PDE4D: variants seen among roughly 807,000 people sequenced by gnomAD.
PDE4D encodes phosphodiesterase 4D.
Under a neutral mutation model 87.4 loss-of-function variants are expected in PDE4D, and 24 were observed. The observed-to-expected ratio is 0.27, with a 90% CI of 0.20 to 0.39. PDE4D has a LOEUF of 0.39. PDE4D is among the 10% of genes least tolerant of loss of function. The pLI is 1.00. For synonymous variants in PDE4D, 384 were observed against 383.2 expected (o/e 1.00, Z -0.02); for missense variants, 714 against 1,041.0 (o/e 0.69, Z 4.32).
chr5:59,918,916 T>A (rs963134377), intron 3 of PDE4D, among the ~76,000 whole-genome samples: 1 of 152,162 alleles, frequency 6.6e-6, no homozygotes, highest in Non-Finnish European at 1.5e-5. Flanking sequence ...AACTGTGAGA[T>A]AGTAAGTGTG....
At chr5:59,400,679 C>T (rs976448031) in intron 1 of PDE4D, among the ~76,000 whole-genome samples, 14 of 151,100 alleles carry the variant, frequency 9.3e-5, no homozygotes, top group Non-Finnish European at 1.5e-4. Flanking sequence ...CACATGTATA[C>T]GTATGTAACT....
chr5:59,984,387 G>T (rs557444001), intron 3 of PDE4D, among the ~76,000 whole-genome samples: 1 of 152,190 alleles, frequency 6.6e-6, no homozygotes, highest in Admixed American at 6.5e-5. Context: ...GCCTGAATTC[G>T]CCTACCCTGT....
chr5:59,272,930 G>A (rs1764095612), intron 1 of PDE4D, among the ~76,000 whole-genome samples: 1 of 152,082 alleles, frequency 6.6e-6, no homozygotes, highest in Admixed American at 6.6e-5. Context: ...TTGGATTCTT[G>A]CACAATACAA....
chr5:59,172,099 A>T (rs1783008435), intron 5 of PDE4D, among the ~76,000 whole-genome samples: 1 of 60,302 alleles, frequency 1.7e-5, no homozygotes, highest in Non-Finnish European at 2.7e-5. Context: ...TAATAAATAT[A>T]TATTATATAT....
At chr5:59,334,281 T>G (rs1777273933) in intron 1 of PDE4D, among the ~76,000 whole-genome samples, 1 of 123,938 alleles carries the variant, frequency 8.1e-6, no homozygotes, top group Non-Finnish European at 1.7e-5. Flanking sequence ...TTTTTGGAGA[T>G]GGAGCCTAGC....
At chr5:60,048,020 C>A (rs1769530461) in intron 2 of PDE4D, among the ~76,000 whole-genome samples, 1 of 152,004 alleles carries the variant, frequency 6.6e-6, no homozygotes, top group Admixed American at 6.6e-5. Context: ...GTAGGTCTCT[C>A]AGGACTTGCT....
chr5:60,064,910 C>T (rs1462032164), intron 2 of PDE4D, among the ~76,000 whole-genome samples: 1 of 152,148 alleles, frequency 6.6e-6, no homozygotes, highest in Non-Finnish European at 1.5e-5. Context: ...CTGTTCTATA[C>T]ACCTTATCCA....
chr5:60,317,186 A>G (rs2149828925), intron 1 of PDE4D, among the ~76,000 whole-genome samples: 1 of 152,256 alleles, frequency 6.6e-6, no homozygotes, highest in African/African-American at 2.4e-5. Context: ...GTCTATTCAG[A>G]GATTCAACTT....
chr5:59,043,978 C>T (rs972060389), intron 5 of PDE4D, among the ~76,000 whole-genome samples: 1 of 152,076 alleles, frequency 6.6e-6, no homozygotes, highest in African/African-American at 2.4e-5. Context: ...GGGTTGGTTC[C>T]AAGTCTTTGC....
At chr5:59,384,673 CT>C (rs1436953938) in intron 1 of PDE4D, among the ~76,000 whole-genome samples, 2 of 151,954 alleles carry the variant, frequency 1.3e-5, no homozygotes, top group African/African-American at 4.8e-5. Context: ...GTCTGCAAAA[CT>C]ATACTATATA....
chr5:60,070,129 G>A (rs1184245157), intron 2 of PDE4D, among the ~76,000 whole-genome samples: 2 of 152,010 alleles, frequency 1.3e-5, no homozygotes, highest in African/African-American at 4.8e-5. Flanking sequence ...CCTGCAAACA[G>A]GGAAAATTTT....
At chr5:59,360,947 G>A (rs1220881283) in intron 1 of PDE4D, among the ~76,000 whole-genome samples, 2 of 152,040 alleles carry the variant, frequency 1.3e-5, no homozygotes, top group Admixed American at 1.3e-4. Flanking sequence ...TCAGGATATA[G>A]ACTAAAACAA....
intron 1 of PDE4D, among the ~76,000 whole-genome samples, chr5:60,378,669 T>C (rs899477742): frequency 6.6e-6 from 1 of 151,926 alleles, no homozygotes; most frequent in Non-Finnish European, 1.5e-5. Flanking sequence ...CTGACCAACA[T>C]GGTGAAACCC....
intron 1 of PDE4D, among the ~76,000 whole-genome samples, chr5:59,801,585 CTGTTT>C (rs1767132643): frequency 6.6e-6 from 1 of 152,166 alleles, no homozygotes; most frequent in African/African-American, 2.4e-5. Context: ...TGAAATCAAT[CTGTTT>C]TATTTTCCAA....
intron 1 of PDE4D, among the ~76,000 whole-genome samples, chr5:59,381,139 A>C (rs775053907): frequency 6.6e-6 from 1 of 152,162 alleles, no homozygotes; most frequent in Non-Finnish European, 1.5e-5. Flanking sequence ...CAACCCCCGG[A>C]ATACTAGTTA....
At chr5:59,869,565 C>T (rs1747516830) in intron 1 of PDE4D, among the ~76,000 whole-genome samples, 1 of 152,114 alleles carries the variant, frequency 6.6e-6, no homozygotes. Context: ...GTATTACAGA[C>T]ACTTGTTTGT....
intron 1 of PDE4D, among the ~76,000 whole-genome samples, chr5:60,337,611 C>T (rs1254800614): frequency 6.6e-6 from 1 of 151,626 alleles, no homozygotes; most frequent in Non-Finnish European, 1.5e-5. Flanking sequence ...ATAAATAATA[C>T]CTAAATAAAC....
chr5:59,771,337 A>G (rs961604473), intron 1 of PDE4D, among the ~76,000 whole-genome samples: 1 of 150,612 alleles, frequency 6.6e-6, no homozygotes, highest in African/African-American at 2.4e-5. Flanking sequence ...GAGAAAAGTG[A>G]TTCTTAGTGA....
At chr5:60,407,950 G>T (rs1741700548) in intron 1 of PDE4D, among the ~76,000 whole-genome samples, 1 of 152,004 alleles carries the variant, frequency 6.6e-6, no homozygotes, top group Admixed American at 6.6e-5. Context: ...GATTTCCAAG[G>T]TTGGACATGA....
Sources: allele counts gnomAD v4.1 joint callset (sites outside exome capture counted in the v4.1 genomes callset), GRCh38; gene constraint gnomAD v4.1.1; transcripts MANE v1.5; gene names NCBI Gene and HGNC (gene_info 2026-07-23, HGNC 2026-07-21).